Variants in RUNX2 observed in about 807,000 individuals in gnomAD.
RUNX2 encodes runt-related transcription factor 2.
In RUNX2, 10 loss-of-function variants were observed where a neutral mutation model predicts 51.7. The ratio of observed to expected loss-of-function variants is 0.19; its 90% CI spans 0.12 to 0.33. The LOEUF (loss-of-function observed/expected upper bound fraction) is 0.33. Among genes scored for constraint, RUNX2 ranks in the 10% least tolerant of loss-of-function variants. RUNX2 has a pLI of 1.00. For missense variants in RUNX2, 562 were observed against 691.3 expected, an observed-to-expected ratio of 0.81 and a Z score of 2.10; for synonymous variants, 276 against 273.6, an observed-to-expected ratio of 1.01 and a Z score of -0.09.
intron 2 of RUNX2, among the ~76,000 whole-genome samples, chr6:45,346,567 C>G (rs1024893675): frequency 1.4e-5 from 2 of 140,430 alleles, no homozygotes; most frequent in African/African-American, 5.3e-5. Context: ...ATAAACATTT[C>G]TTTTTTTTTT....
intron 7 of RUNX2, among the ~76,000 whole-genome samples, chr6:45,537,366 G>T (rs1802071136): frequency 6.6e-6 from 1 of 152,312 alleles, no homozygotes; most frequent in South Asian, 2.1e-4. Context: ...GCACCTTAGG[G>T]GAGACAGTGA....
intron 5 of RUNX2, among the ~76,000 whole-genome samples, chr6:45,458,183 T>A (rs559225435): frequency 3.9e-5 from 6 of 152,090 alleles, no homozygotes; most frequent in African/African-American, 1.2e-4. Context: ...CCTGCCACCA[T>A]GCCTGGCTAA....
intron 2 of RUNX2, among the ~76,000 whole-genome samples, chr6:45,346,319 AAAAT>A (rs1790848702): frequency 6.6e-6 from 1 of 152,178 alleles, no homozygotes; most frequent in East Asian, 1.9e-4. Flanking sequence ...CCCAATAAAT[AAAAT>A]AGATTTTTAA....
In RUNX2 at chr6:45,422,557, G is replaced by A. The variant is rs376284424; in HGVS notation, c.59-36G>A. 3.9e-6 allele frequency: 6 copies of A among 1,527,570 alleles called. No individual in the cohort carries two copies. The Admixed American group carries it at 5.9e-5, about 15-fold the overall frequency. 94.6% of individuals were successfully genotyped at this position (1,527,570 alleles called of 1,614,324 possible). ...CTCCTCCCCCTCCCCCGGCCACTTC[G>A]CTAACTTGTGGCTGTTGTGATGCGT... is the stretch of plus-strand genomic sequence containing the variant. On this transcript the variant is annotated intron_variant, in intron 2 of 8. Transcript: ENST00000647337.
chr6:45,364,345 C>T (rs188610696), intron 2 of RUNX2, among the ~76,000 whole-genome samples: 111 of 152,264 alleles, frequency 7.3e-4, no homozygotes, highest in African/African-American at 2.6e-3. Context: ...GTAATCATCA[C>T]ATAGTGACGT....
intron 5 of RUNX2, among the ~76,000 whole-genome samples, chr6:45,450,783 T>C (rs1196496183): frequency 6.6e-6 from 1 of 152,184 alleles, no homozygotes; most frequent in East Asian, 1.9e-4. Flanking sequence ...CAGAATCTAA[T>C]ATCTAATTTT....
chr6:45,386,968 G>C (rs1437962895), intron 2 of RUNX2, among the ~76,000 whole-genome samples: 1 of 152,162 alleles, frequency 6.6e-6, no homozygotes, highest in Non-Finnish European at 1.5e-5. Context: ...GTGTAAGACA[G>C]GTTGGAAGGG....
chr6:45,452,070 T>G (rs1391843296), intron 5 of RUNX2, among the ~76,000 whole-genome samples: 2 of 152,246 alleles, frequency 1.3e-5, no homozygotes, highest in Admixed American at 6.5e-5. Flanking sequence ...AATTTTGGAC[T>G]GAGGGGGATA....
intron 2 of RUNX2, among the ~76,000 whole-genome samples, chr6:45,412,198 A>AG (rs1797965367): frequency 6.6e-6 from 1 of 150,592 alleles, no homozygotes; most frequent in South Asian, 2.1e-4. Flanking sequence ...AAAAAAAAAA[A>AG]AAAAAAAATT....
intron 5 of RUNX2, among the ~76,000 whole-genome samples, chr6:45,474,903 TG>T (rs1799911726): frequency 6.6e-6 from 1 of 152,052 alleles, no homozygotes; most frequent in African/African-American, 2.4e-5. Flanking sequence ...AAGAAAGGGC[TG>T]TGGGAATTCA....
At chr6:45,395,056 T>A (rs1295562688) in intron 2 of RUNX2, among the ~76,000 whole-genome samples, 1 of 152,142 alleles carries the variant, frequency 6.6e-6, no homozygotes, top group East Asian at 1.9e-4. Context: ...CTTAATGAAT[T>A]ACCCTTTAAG....
At chr6:45,355,860 G>A (rs1356346215) in intron 2 of RUNX2, among the ~76,000 whole-genome samples, 2 of 151,956 alleles carry the variant, frequency 1.3e-5, no homozygotes, top group Non-Finnish European at 2.9e-5. Context: ...TATTTTTGTT[G>A]AATAAATAAA....
intron 6 of RUNX2, among the ~76,000 whole-genome samples, chr6:45,498,852 G>A (rs897805528): frequency 6.6e-6 from 1 of 152,218 alleles, no homozygotes; most frequent in African/African-American, 2.4e-5. Context: ...AAATCAGAAA[G>A]CACAGCTGAG....
At chr6:45,508,284 A>G (rs921395008) in intron 6 of RUNX2, among the ~76,000 whole-genome samples, 4 of 132,914 alleles carry the variant, frequency 3.0e-5, no homozygotes, top group Non-Finnish European at 6.1e-5. Flanking sequence ...GCTGGAGTGC[A>G]ATGGCGTGAT....
intron 2 of RUNX2, among the ~76,000 whole-genome samples, chr6:45,404,600 C>G (rs565927316): frequency 6.6e-6 from 1 of 152,130 alleles, no homozygotes; most frequent in East Asian, 1.9e-4. Flanking sequence ...TGCAATTGAA[C>G]AAAATTTACA....
At chr6:45,416,560 T>C (rs1171735728) in intron 2 of RUNX2, among the ~76,000 whole-genome samples, 3 of 152,210 alleles carry the variant, frequency 2.0e-5, no homozygotes, top group African/African-American at 7.2e-5. Flanking sequence ...TGTAAACTTT[T>C]ATATATAACA....
At chr6:45,365,435 G>C (rs1794968449) in intron 2 of RUNX2, 2 of 600,540 alleles carry the variant, frequency 3.3e-6, no homozygotes, top group Admixed American at 6.0e-5. Flanking sequence ...GCACAAAACT[G>C]ATTCACTTAT....
Position 45,449,183 on chromosome 6 carries a change from G to A in RUNX2, c.685+11132G>A, listed in dbSNP as rs116541056. Among the ~76,000 whole-genome samples the A allele has an allele frequency of 7.7e-3, 1,174 of 152,250 alleles. 17 individuals carry two copies. Among genetic ancestry groups the A allele is most frequent in the African/African-American group, 0.027 (1,111 of 41,538 alleles). ...CTCATTGCCATCTTTGTGACCTTAA[G>A]CAAACCACTAAACTTTTCTCTACTT... On this transcript the variant is annotated intron_variant, in intron 5 of 8. Transcript: ENST00000647337.
At chr6:45,491,912 G>A (rs1012475629) in intron 5 of RUNX2, 29 bp from the exon 6 acceptor site, 4 of 1,610,744 alleles carry the variant, frequency 2.5e-6, no homozygotes, top group African/African-American at 2.7e-5. Context: ...TAATTAATAT[G>A]CTTTTATTTT....
Sources: gnomAD v4.1 joint callset for allele counts (sites outside exome capture counted in the v4.1 genomes callset) on GRCh38, gnomAD v4.1.1 for gene constraint, MANE v1.5 for transcripts, NCBI Gene and HGNC (gene_info 2026-07-23, HGNC 2026-07-21) for gene names.